Variants in KANK1 observed in about 807,000 individuals in gnomAD.
KANK1 encodes the protein KN motif and ankyrin repeat domains 1.
A neutral mutation model predicts 106.2 loss-of-function variants in KANK1; 109 were observed. That is an observed-to-expected ratio of 1.03 (90% CI 0.88 to 1.20). The LOEUF (loss-of-function observed/expected upper bound fraction) is 1.20, where lower values mean the gene tolerates loss of function less well. Ranked by LOEUF, KANK1 falls within the 50% of genes most tolerant of loss-of-function variation. The pLI, the probability that KANK1 is intolerant of heterozygous loss-of-function variation, is 0.00. For synonymous variants in KANK1, 873 were observed against 652.2 expected, an observed-to-expected ratio of 1.34 and a Z score of -5.16; for missense variants, 2,399 against 1,710.7, an observed-to-expected ratio of 1.40 and a Z score of -7.10.
chr9:725,692 C>A (rs1830474927), intron 3 of KANK1, among the ~76,000 whole-genome samples: 1 of 152,118 alleles, frequency 6.6e-6, no homozygotes, highest in Non-Finnish European at 1.5e-5. Context: ...AGAATGATCT[C>A]CTGGCAGCAT....
intron 1 of KANK1, among the ~76,000 whole-genome samples, chr9:667,077 C>G (rs10815449): frequency 0.91 from 136,684 of 151,002 alleles, 61,983 homozygotes; most frequent in East Asian, 0.97. Context: ...ATCAGATCCT[C>G]GACTTTTCTT....
intron 2 of KANK1, among the ~76,000 whole-genome samples, chr9:692,574 G>A (rs1190852270): frequency 1.4e-5 from 2 of 147,794 alleles, no homozygotes; most frequent in African/African-American, 5.0e-5. Flanking sequence ...CCCATTTTAA[G>A]TGTATGGTTT....
At chr9:706,654 C>G (rs13292231) in intron 2 of KANK1, among the ~76,000 whole-genome samples, 109,010 of 151,278 alleles carry the variant, frequency 0.72, 39,682 homozygotes, top group African/African-American at 0.77. Context: ...TTAAGAAGAA[C>G]TTTTCATCAG....
intron 1 of KANK1, among the ~76,000 whole-genome samples, chr9:672,801 C>T (rs1815492492): frequency 6.6e-6 from 1 of 152,182 alleles, no homozygotes; most frequent in Non-Finnish European, 1.5e-5. Context: ...AAACATGCAT[C>T]AGCATCCTTC....
intron 1 of KANK1, among the ~76,000 whole-genome samples, chr9:664,835 G>T (rs924662197): frequency 6.6e-6 from 1 of 152,120 alleles, no homozygotes; most frequent in Non-Finnish European, 1.5e-5. Flanking sequence ...TCACCAGCAT[G>T]TTATTCCCTG....
chr9:699,069 C>T (rs1015121484), intron 2 of KANK1, among the ~76,000 whole-genome samples: 6 of 152,278 alleles, frequency 3.9e-5, no homozygotes, highest in Admixed American at 3.3e-4. Flanking sequence ...TTTCCTCTGC[C>T]TAGAATTTCT....
chr9:536,849 G>T (rs966836652), intron 1 of KANK1, among the ~76,000 whole-genome samples: 3 of 152,320 alleles, frequency 2.0e-5, no homozygotes, highest in Non-Finnish European at 4.4e-5. Context: ...ACACAATACA[G>T]TTAACTCTCT....
intron 1 of KANK1, among the ~76,000 whole-genome samples, chr9:610,960 G>C (rs10758737): frequency 0.26 from 39,405 of 152,064 alleles, 5,300 homozygotes; most frequent in Admixed American, 0.34. Context: ...GTATTCTCCT[G>C]TTTGGTGGTT....
chr9:581,103 A>G (rs1476726792), intron 1 of KANK1, among the ~76,000 whole-genome samples: 4 of 152,168 alleles, frequency 2.6e-5, no homozygotes, highest in East Asian at 1.9e-4. Flanking sequence ...GCCTACCCAG[A>G]ACTCCTGGCC....
intron 1 of KANK1, among the ~76,000 whole-genome samples, chr9:645,787 C>T (rs973896512): frequency 3.3e-5 from 5 of 150,572 alleles, no homozygotes; most frequent in Admixed American, 1.3e-4. Context: ...CAGCTGAGAT[C>T]GTGCCACTGC....
intron 4 of KANK1, chr9:730,622 G>A: frequency 3.4e-6 from 1 of 293,446 alleles, no homozygotes; most frequent in Middle Eastern, 1.2e-3. Flanking sequence ...GAACCTGGGA[G>A]GTGGAGGTTG....
intron 2 of KANK1, among the ~76,000 whole-genome samples, chr9:685,295 C>G (rs143071749): frequency 1.3e-5 from 2 of 152,282 alleles, no homozygotes; most frequent in African/African-American, 4.8e-5. Flanking sequence ...AATAAGTACG[C>G]TGCTATTTTG....
At chr9:585,079 C>T (rs539564165) in intron 1 of KANK1, among the ~76,000 whole-genome samples, 32 of 152,304 alleles carry the variant, frequency 2.1e-4, no homozygotes, top group African/African-American at 7.7e-4. Context: ...TCTCTTTGGG[C>T]TTGTGTGCCT....
At chr9:472,031 G>A (rs2058031166) in intron 2 of KANK1, among the ~76,000 whole-genome samples, 1 of 152,102 alleles carries the variant, frequency 6.6e-6, no homozygotes, top group African/African-American at 2.4e-5. Context: ...ACAAAAAAGA[G>A]CCCTGCTCTC....
intron 1 of KANK1, among the ~76,000 whole-genome samples, chr9:514,523 T>C (rs1391480046): frequency 1.3e-5 from 2 of 151,016 alleles, no homozygotes; most frequent in Non-Finnish European, 2.9e-5. Flanking sequence ...TAGATCAATT[T>C]AGTCAGTTTT....
At chr9:527,293 T>G (rs913758583) in intron 1 of KANK1, among the ~76,000 whole-genome samples, 2 of 151,148 alleles carry the variant, frequency 1.3e-5, no homozygotes, top group Admixed American at 6.6e-5. Flanking sequence ...TTTGTGTGTT[T>G]TTTGTTTGTT....
intron 1 of KANK1, among the ~76,000 whole-genome samples, chr9:648,613 G>A (rs1187315191): frequency 6.6e-6 from 1 of 152,138 alleles, no homozygotes; most frequent in Non-Finnish European, 1.5e-5. Context: ...AAGCCCAGTG[G>A]GGAAGAGCAA....
intron 1 of KANK1, among the ~76,000 whole-genome samples, chr9:521,201 C>A (rs2059532924): frequency 6.6e-6 from 1 of 151,672 alleles, no homozygotes; most frequent in South Asian, 2.1e-4. Flanking sequence ...AACGTTTGTG[C>A]CTCAATTGGT....
At chr9:526,503 A>G (rs2059798190) in intron 1 of KANK1, among the ~76,000 whole-genome samples, 1 of 151,766 alleles carries the variant, frequency 6.6e-6, no homozygotes, top group Non-Finnish European at 1.5e-5. Flanking sequence ...GCTTGAGGCC[A>G]TGAATTCAAG....
Sources: gnomAD v4.1 joint callset for allele counts (sites outside exome capture counted in the v4.1 genomes callset) on GRCh38, gnomAD v4.1.1 for gene constraint, MANE v1.5 for transcripts, NCBI Gene and HGNC (gene_info 2026-07-23, HGNC 2026-07-21) for gene names.